The following MYO3A variants were observed in gnomAD, a reference collection of about 807,000 sequenced individuals.
The protein encoded by MYO3A is myosin IIIA.
In MYO3A, 180 loss-of-function variants were observed where a neutral mutation model predicts 192.7. That is an observed-to-expected ratio of 0.93 (90% CI 0.83 to 1.06). The LOEUF is 1.06. Among genes scored for constraint, MYO3A ranks in the 50% least tolerant of loss-of-function variants. The pLI is 0.00. For synonymous variants in MYO3A, 628 were observed against 645.3 expected, an observed-to-expected ratio of 0.97 and a Z score of 0.41; for missense variants, 1,896 against 1,905.0, an observed-to-expected ratio of 1.00 and a Z score of 0.09.
At chr10:26,032,890 A>T (rs1195553795) in intron 10 of MYO3A, among the ~76,000 whole-genome samples, 5 of 152,090 alleles carry the variant, frequency 3.3e-5, no homozygotes, top group Non-Finnish European at 7.4e-5. Context: ...AGAATTATTC[A>T]CCCTTTGGAA....
intron 10 of MYO3A, among the ~76,000 whole-genome samples, chr10:26,053,371 A>G (rs571730180): frequency 2.6e-5 from 4 of 152,322 alleles, no homozygotes; most frequent in East Asian, 1.9e-4. Flanking sequence ...AGCATCCATC[A>G]TTTGTGAGAA....
chr10:26,153,774 A>C (rs1373706010), intron 23 of MYO3A, 76 bp from the exon 24 acceptor site: 1 of 978,576 alleles, frequency 1.0e-6, no homozygotes. Context: ...TTATTTTAAC[A>C]TTTAAGTAAA....
chr10:26,164,582 A>C (rs1841640264), intron 26 of MYO3A, among the ~76,000 whole-genome samples: 1 of 151,968 alleles, frequency 6.6e-6, no homozygotes, highest in South Asian at 2.1e-4. Context: ...GAAGAGAGGA[A>C]AGTGGCCCTG....
At chr10:26,194,317 G>A (rs1843297229) in intron 32 of MYO3A, among the ~76,000 whole-genome samples, 1 of 152,070 alleles carries the variant, frequency 6.6e-6, no homozygotes, top group Non-Finnish European at 1.5e-5. Flanking sequence ...TTCCTTCCAA[G>A]GCCTTCTTCG....
intron 2 of MYO3A, among the ~76,000 whole-genome samples, chr10:25,947,672 C>A (rs1315306211): frequency 1.3e-5 from 2 of 152,016 alleles, no homozygotes; most frequent in Non-Finnish European, 2.9e-5. Context: ...GGATTACAGG[C>A]GTGAGCCACT....
At chr10:26,058,997 T>C (rs956665383) in intron 10 of MYO3A, among the ~76,000 whole-genome samples, 5 of 142,418 alleles carry the variant, frequency 3.5e-5, no homozygotes, top group Admixed American at 2.1e-4. Context: ...TATTCATTTC[T>C]GGTATATAGG....
chr10:26,065,082 G>A (rs919949774), intron 10 of MYO3A, among the ~76,000 whole-genome samples: 1 of 152,148 alleles, frequency 6.6e-6, no homozygotes, highest in Non-Finnish European at 1.5e-5. Context: ...AAGATACTCA[G>A]ACAGAGATAC....
In MYO3A at chr10:26,143,572, T is replaced by A. The variant is rs1840290520; in HGVS notation, c.2387T>A (p.Phe796Tyr). The A allele has an allele frequency of 1.2e-6, 2 of 1,614,084 alleles. No individual in the cohort carries two copies. The highest frequency in any genetic ancestry group is 4.5e-5 in the East Asian group (2 of 44,854). ...TCCCTACTTGATGAAGAAAGTAGATTTCCCAAGGCCACTGACCAGACTCTT... is the reference window on the plus strand; with the variant it reads ...TCCCTACTTGATGAAGAAAGTAGATATCCCAAGGCCACTGACCAGACTCTT... ...LLSLLDEESR[F>Y]PKATDQTLVE... Residue 796 changes from phenylalanine to tyrosine, a missense_variant, in exon 21 of 35, where the codon TTT becomes TAT. Transcript: ENST00000642920.
intron 4 of MYO3A, among the ~76,000 whole-genome samples, chr10:25,958,400 T>G (rs1050109497): frequency 6.6e-6 from 1 of 152,202 alleles, no homozygotes; most frequent in African/African-American, 2.4e-5. Flanking sequence ...CAGATAGTTT[T>G]AAGTGTGTAG....
At chr10:25,957,128 C>T (rs529592125) in intron 4 of MYO3A, among the ~76,000 whole-genome samples, 1 of 152,180 alleles carries the variant, frequency 6.6e-6, no homozygotes, top group South Asian at 2.1e-4. Context: ...ATTCAGTCTG[C>T]CATTGATGTG....
intron 23 of MYO3A, among the ~76,000 whole-genome samples, chr10:26,148,338 C>G (rs1449169579): frequency 1.3e-5 from 2 of 152,088 alleles, no homozygotes; most frequent in Non-Finnish European, 2.9e-5. Flanking sequence ...TTTCTGGACT[C>G]TTTATTGGGT....
chr10:25,975,989 A>G (rs1436109234), intron 4 of MYO3A, among the ~76,000 whole-genome samples: 1 of 152,222 alleles, frequency 6.6e-6, no homozygotes, highest in Non-Finnish European at 1.5e-5. Context: ...AACCATATAA[A>G]TGAAATATGT....
chr10:26,075,601 GTC>G (rs1431759586), intron 14 of MYO3A, among the ~76,000 whole-genome samples: 6 of 127,386 alleles, frequency 4.7e-5, no homozygotes, highest in Non-Finnish European at 8.7e-5. Flanking sequence ...ATATATATAT[GTC>G]TCTCTCATAT....
chr10:26,099,521 A>C (rs140832986), intron 17 of MYO3A, among the ~76,000 whole-genome samples: 4,512 of 152,186 alleles, frequency 0.03, 216 homozygotes, highest in African/African-American at 0.1. Flanking sequence ...AGTTTCTGCC[A>C]ATTCAGTATG....
rs995174953 is a variant in MYO3A, at chr10:26,099,774, G to T, written c.1776+3092G>T. 4.0e-4 allele frequency among the ~76,000 whole-genome samples: 61 copies of T among 152,194 alleles called. 1 individual carries two copies. The highest frequency in any genetic ancestry group is 6.5e-5 in the Admixed American group (1 of 15,284). On this transcript the variant is annotated intron_variant, in intron 17 of 34. Coordinates refer to ENST00000642920, the MANE Select transcript of MYO3A (RefSeq NM_017433.5). ...CAGGGATGAAGCCCACTTGATCATGGTGGATAAGCTTTTTGATGTGCTGCT... is the reference window on the plus strand; with the variant it reads ...CAGGGATGAAGCCCACTTGATCATGTTGGATAAGCTTTTTGATGTGCTGCT...
chr10:26,007,395 G>C (rs1405830317), intron 6 of MYO3A, among the ~76,000 whole-genome samples: 2 of 148,912 alleles, frequency 1.3e-5, no homozygotes, highest in Non-Finnish European at 3.0e-5. Flanking sequence ...AATCAGGGAG[G>C]AGAAGGAAAT....
intron 4 of MYO3A, among the ~76,000 whole-genome samples, chr10:25,965,151 T>C (rs565419291): frequency 6.6e-6 from 1 of 152,328 alleles, no homozygotes; most frequent in Non-Finnish European, 1.5e-5. Flanking sequence ...TTTCTCTAGG[T>C]TTAGGAAATT....
intron 28 of MYO3A, 148 bp from the exon 29 acceptor site, chr10:26,170,268 C>A: frequency 2.4e-6 from 2 of 817,552 alleles, no homozygotes; most frequent in Non-Finnish European, 3.8e-6. Context: ...GTTAATGAAT[C>A]ACATTTTTAA....
At chr10:25,965,075 G>C (rs1564410681) in intron 4 of MYO3A, among the ~76,000 whole-genome samples, 1 of 152,108 alleles carries the variant, frequency 6.6e-6, no homozygotes. Flanking sequence ...AATGCCTTGA[G>C]GTAGTCTTCT....
Sources: gnomAD v4.1 joint callset for allele counts (sites outside exome capture counted in the v4.1 genomes callset) on GRCh38, gnomAD v4.1.1 for gene constraint, MANE v1.5 for transcripts, NCBI Gene and HGNC (gene_info 2026-07-23, HGNC 2026-07-21) for gene names.